Variants in EDARADD observed in about 807,000 individuals in gnomAD.
The protein encoded by EDARADD is EDAR associated via death domain, also known as ectodysplasin-A receptor-associated adapter protein.
In EDARADD, 20 loss-of-function variants were observed where a neutral mutation model predicts 25.6. The ratio of observed to expected loss-of-function variants is 0.78; its 90% confidence interval spans 0.55 to 1.14. The LOEUF is 1.14. Ranked by LOEUF, EDARADD falls within the 50% of genes most tolerant of loss-of-function variation. EDARADD has a pLI of 0.00. For synonymous variants in EDARADD, 86 were observed against 94.4 expected (o/e 0.91, Z 0.52); for missense variants, 225 against 270.1 (o/e 0.83, Z 1.17).
At chr1:236,479,444 G>A (rs149095881) in intron 5 of EDARADD, among the ~76,000 whole-genome samples, 32 of 151,422 alleles carry the variant, frequency 2.1e-4, no homozygotes, top group Non-Finnish European at 4.0e-4. Context: ...GCAGTGAGCC[G>A]TGATTGTGCC....
intron 3 of EDARADD, among the ~76,000 whole-genome samples, chr1:236,375,934 CCT>C (rs1667219048): frequency 7.4e-6 from 1 of 135,666 alleles, no homozygotes; most frequent in South Asian, 2.4e-4. Flanking sequence ...TTTACCTGCA[CCT>C]TTTTTTTTTT....
At chr1:236,469,330 C>G (rs901573999) in intron 5 of EDARADD, among the ~76,000 whole-genome samples, 5 of 151,988 alleles carry the variant, frequency 3.3e-5, no homozygotes, top group African/African-American at 4.8e-5. Flanking sequence ...AAAAATTAGC[C>G]AGGCGTGGTG....
intron 4 of EDARADD, among the ~76,000 whole-genome samples, chr1:236,451,134 A>G (rs1419236352): frequency 1.3e-5 from 2 of 152,070 alleles, no homozygotes; most frequent in East Asian, 3.9e-4. Flanking sequence ...TCTGCTACTC[A>G]ATACTGTATG....
chr1:236,389,868 G>A (rs1667399298), upstream of EDARADD, among the ~76,000 whole-genome samples: 1 of 152,016 alleles, frequency 6.6e-6, no homozygotes, highest in African/African-American at 2.4e-5. Flanking sequence ...AATTGGCCAG[G>A]CGTGGTGGGG....
intron 1 of EDARADD, among the ~76,000 whole-genome samples, chr1:236,405,807 T>TCC (rs1296266745): frequency 3.1e-5 from 4 of 128,892 alleles, no homozygotes; most frequent in African/African-American, 1.2e-4. Flanking sequence ...TTTCTTTCTT[T>TCC]CTTTCCTTCC....
intron 3 of EDARADD, among the ~76,000 whole-genome samples, chr1:236,387,454 A>G (rs1226612478): frequency 0.091 from 1,786 of 19,546 alleles, no homozygotes; most frequent in Middle Eastern, 0.15. Context: ...CCTACTGGGA[A>G]GTGAGGAGCC....
chr1:236,378,381 G>A (rs1572116039), intron 3 of EDARADD, among the ~76,000 whole-genome samples: 1 of 152,252 alleles, frequency 6.6e-6, no homozygotes, highest in African/African-American at 2.4e-5. Context: ...ATTGCTCAGA[G>A]AATTGCTAGC....
chr1:236,468,773 T>G (rs889546336), intron 5 of EDARADD, among the ~76,000 whole-genome samples: 1 of 152,232 alleles, frequency 6.6e-6, no homozygotes, highest in African/African-American at 2.4e-5. Context: ...AAGAGTATTT[T>G]CTCTGCACTA....
chr1:236,443,952 T>C (rs1405759269), intron 4 of EDARADD, among the ~76,000 whole-genome samples: 1 of 152,156 alleles, frequency 6.6e-6, no homozygotes, highest in Non-Finnish European at 1.5e-5. Context: ...AACCTTATTA[T>C]TGTATTTTTA....
At chr1:236,446,197 G>A (rs185447694) in intron 4 of EDARADD, among the ~76,000 whole-genome samples, 5 of 152,144 alleles carry the variant, frequency 3.3e-5, no homozygotes, top group Middle Eastern at 3.2e-3. Context: ...TCTCCCCTCT[G>A]TTACCCAGAC....
chr1:236,441,101 G>A (rs1041305799), intron 4 of EDARADD, among the ~76,000 whole-genome samples: 2 of 151,650 alleles, frequency 1.3e-5, no homozygotes, highest in Admixed American at 1.3e-4. Context: ...AAATTAAAAG[G>A]GCTACTCCAG....
chr1:236,484,238 G>A lies in EDARADD; in HGVS notation c.*1589G>A. On this transcript the variant is annotated 3_prime_UTR_variant, in exon 6 of 6. Transcript: ENST00000334232. The surrounding 1 kb of genome is among the most constrained non-coding windows in gnomAD (Gnocchi z 4.1). The stretch of plus-strand genomic sequence containing the variant: ...TGACTGAGTCCCTTCAGGCGTGCAA[G>A]CTGGCCCAGGCCAATGGTTGGTGTG... 1.0e-6 allele frequency: 1 copy of A among 968,228 alleles called. No individual in the cohort carries two copies. Among genetic ancestry groups the A allele is most frequent in the Non-Finnish European group, 1.7e-6 (1 of 591,942 alleles). 60.0% of individuals were successfully genotyped at this position (968,228 alleles called of 1,614,324 possible).
At chr1:236,420,263 T>G (rs866873390) in intron 3 of EDARADD, among the ~76,000 whole-genome samples, 3 of 152,198 alleles carry the variant, frequency 2.0e-5, no homozygotes, top group Non-Finnish European at 4.4e-5. Context: ...AATCCCTCAC[T>G]TCATCCTGAC....
chr1:236,467,753 G>T (rs986547231), intron 4 of EDARADD, among the ~76,000 whole-genome samples: 10 of 152,066 alleles, frequency 6.6e-5, no homozygotes, highest in African/African-American at 2.4e-4. Flanking sequence ...ATTGTTGCAT[G>T]CATTGATACC....
At position 236,447,403 on chromosome 1, in the gene EDARADD, C is replaced by T. The variant is rs544600597; in HGVS notation, c.219+19953C>T. ...TCCCCAGTAGCTGAGATTACAGGCA[C>T]GTGCCGCCACGCCTGGCTAATTTTG... is the stretch of plus-strand genomic sequence containing the variant. On this transcript the variant is annotated intron_variant, in intron 4 of 5. Transcript: ENST00000334232. 2.6e-5 allele frequency among the ~76,000 whole-genome samples: 4 copies of T among 152,080 alleles called. No individual in the cohort carries two copies. In the East Asian group the frequency reaches 5.8e-4, roughly 22 times the overall value.
At position 236,407,222 on chromosome 1, in the gene EDARADD, A is replaced by T. The variant is rs561096015; in HGVS notation, c.62-1994A>T. 2.0e-5 allele frequency among the ~76,000 whole-genome samples: 3 copies of T among 152,308 alleles called. No individual in the cohort carries two copies. The East Asian group carries it at 5.8e-4, about 29-fold the overall frequency. ...AGCCCTCTGTTTCTGTGCTGGACAC[A>T]GGGCACAGGTCTCTTTGCTGGTGCT... On this transcript the variant is annotated intron_variant, in intron 1 of 5. Transcript: ENST00000334232.
intron 3 of EDARADD, among the ~76,000 whole-genome samples, chr1:236,415,114 A>G (rs1223644967): frequency 3.3e-5 from 5 of 152,124 alleles, no homozygotes; most frequent in Admixed American, 2.0e-4. Context: ...GGATAGCACA[A>G]TTTTAGAGAT....
chr1:236,413,116 A>C (rs1014028925), intron 2 of EDARADD, among the ~76,000 whole-genome samples: 8 of 152,188 alleles, frequency 5.3e-5, no homozygotes, highest in African/African-American at 1.7e-4. Flanking sequence ...TGCCTGCCTC[A>C]GCCTCCCAAA....
intron 3 of EDARADD, among the ~76,000 whole-genome samples, chr1:236,359,217 C>G (rs1667017603): frequency 6.6e-6 from 1 of 152,200 alleles, no homozygotes; most frequent in African/African-American, 2.4e-5. Context: ...TGGCTGCACA[C>G]TGTCCTTTTT....
Sources: allele counts gnomAD v4.1 joint callset (sites outside exome capture counted in the v4.1 genomes callset), GRCh38; gene constraint gnomAD v4.1.1; non-coding constraint Gnocchi (gnomAD v3.1); transcripts MANE v1.5; gene names NCBI Gene and HGNC (gene_info 2026-07-23, HGNC 2026-07-21).